The following GARS1 variants were observed in gnomAD, a reference collection of about 807,000 sequenced individuals.
The protein encoded by GARS1 is glycyl-tRNA synthetase 1.
In GARS1, 46 loss-of-function variants were observed where a neutral mutation model predicts 86.4. That is an observed-to-expected ratio of 0.53 (90% CI 0.42 to 0.68). The LOEUF is 0.68. Ranked by LOEUF, GARS1 falls within the 30% of genes least tolerant of loss-of-function variation. The pLI, the probability that GARS1 is intolerant of heterozygous loss-of-function variation, is 0.00. For synonymous variants in GARS1, 342 were observed against 329.8 expected, an observed-to-expected ratio of 1.04 and a Z score of -0.40; for missense variants, 797 against 915.6, an observed-to-expected ratio of 0.87 and a Z score of 1.67.
In GARS1 at chr7:30,603,573, G is replaced by T; in HGVS notation, c.735+1G>T. 6.2e-7 allele frequency: 1 copy of T among 1,610,182 alleles called. No homozygotes were observed. Among genetic ancestry groups the T allele is most frequent in the Non-Finnish European group, 8.5e-7 (1 of 1,176,844 alleles). Reference sequence around the variant, plus strand: ...AGAAATGGAAAGTGTTTTGGCCCAGGTGAGTACTCTAGAGATGTTATCAGA... The same window carrying T: ...AGAAATGGAAAGTGTTTTGGCCCAGTTGAGTACTCTAGAGATGTTATCAGA... On this transcript the variant is annotated splice_donor_variant, in intron 6 of 16. Transcript: ENST00000389266. LOFTEE classifies it high-confidence loss of function.
At chr7:30,621,010 G>T (rs1448762862) in intron 10 of GARS1, among the ~76,000 whole-genome samples, 1 of 151,668 alleles carries the variant, frequency 6.6e-6, no homozygotes, top group Admixed American at 6.6e-5. Context: ...ATCCAGAAAG[G>T]AAGACTACTT....
At chr7:30,600,485 A>G (rs561507109) in intron 3 of GARS1, among the ~76,000 whole-genome samples, 3 of 152,338 alleles carry the variant, frequency 2.0e-5, no homozygotes, top group African/African-American at 7.2e-5. Flanking sequence ...GGATGTAGAT[A>G]AATCACTGTG....
At chr7:30,622,688 C>T in intron 12 of GARS1, 1 of 515,562 alleles carries the variant, frequency 1.9e-6, no homozygotes, top group Admixed American at 3.2e-5. Flanking sequence ...AACAAAGAGA[C>T]TTGTCCAGCC....
chr7:30,600,566 A>G (rs1050182081), intron 3 of GARS1, among the ~76,000 whole-genome samples: 44 of 152,246 alleles, frequency 2.9e-4, no homozygotes, highest in Admixed American at 2.2e-3. Flanking sequence ...TTCATAGTCA[A>G]CGGATTATTA....
intron 11 of GARS1, 97 bp from the exon 12 acceptor site, chr7:30,622,220 C>A: frequency 7.0e-7 from 1 of 1,423,340 alleles, no homozygotes; most frequent in Non-Finnish European, 9.9e-7. Flanking sequence ...TGATAGAGAG[C>A]TGGCATGGTT....
chr7:30,607,056 T>C (rs1399867408), intron 6 of GARS1, among the ~76,000 whole-genome samples: 1 of 152,208 alleles, frequency 6.6e-6, no homozygotes, highest in Non-Finnish European at 1.5e-5. Flanking sequence ...AATATGAATG[T>C]TGAAAACAGT....
chr7:30,631,401 A>G, intron 14 of GARS1, 47 bp from the exon 15 acceptor site: 1 of 1,427,612 alleles, frequency 7.0e-7, no homozygotes, highest in Non-Finnish European at 9.9e-7. Flanking sequence ...GCATTTAGAT[A>G]TTTACAAATT....
chr7:30,595,710 G>T (rs962146211), intron 1 of GARS1: 7 of 469,024 alleles, frequency 1.5e-5, no homozygotes, highest in Non-Finnish European at 2.7e-5. Flanking sequence ...TTAGCGGAAT[G>T]ATTGGCTGAG....
intron 9 of GARS1, 54 bp from the exon 10 acceptor site, chr7:30,617,060 G>C (rs1782902841): frequency 6.3e-7 from 1 of 1,576,724 alleles, no homozygotes; most frequent in Non-Finnish European, 8.7e-7. Flanking sequence ...GCTTTGAAGA[G>C]TATTAATGTG....
rs1278294610 is a variant in GARS1 at position 30,616,045 on chromosome 7, A to T, written c.1181A>T (p.Asp394Val). The T allele has an allele frequency of 6.2e-7, 1 of 1,614,006 alleles. No individual in the cohort carries two copies. Among genetic ancestry groups the T allele is most frequent in the East Asian group, 2.2e-5 (1 of 44,896 alleles). ...TCCGCTCGGAAAATGCGCCTGGGAG[A>T]TGCTGTTGAACAGGTAGGATTCTGG... is the stretch of plus-strand genomic sequence containing the variant. The part of the protein sequence containing the change: ...GQSARKMRLG[D>V]AVEQGVINNT... Residue 394 changes from aspartate to valine, a missense_variant, in exon 9 of 17, where the codon GAT becomes GTT. Asp to Val is a radical substitution (Grantham distance 152). Coordinates refer to ENST00000389266, the MANE Select transcript of GARS1 (RefSeq NM_002047.4).
intron 11 of GARS1, 121 bp from the exon 12 acceptor site, chr7:30,622,196 A>C: frequency 8.6e-7 from 1 of 1,161,782 alleles, no homozygotes. Flanking sequence ...CAGCATAAAC[A>C]GGATCTGGAG....
chr7:30,631,184 T>C (rs2128136159), intron 14 of GARS1: 1 of 384,816 alleles, frequency 2.6e-6, no homozygotes, highest in African/African-American at 2.1e-5. Flanking sequence ...GAGCAGGTGG[T>C]AGAGACCTGC....
intron 1 of GARS1, among the ~76,000 whole-genome samples, chr7:30,596,270 G>A (rs1232320034): frequency 6.6e-6 from 1 of 152,194 alleles, no homozygotes; most frequent in Non-Finnish European, 1.5e-5. Flanking sequence ...GTTTGAGCCT[G>A]ACCGATTTTA....
chr7:30,617,358 TTA>T (rs1307758026), intron 10 of GARS1, 80 bp downstream of exon 10: 2 of 1,478,398 alleles, frequency 1.4e-6, no homozygotes, highest in Admixed American at 3.7e-5. Context: ...TTTGTGCACT[TTA>T]TGTCACAGAG....
intron 16 of GARS1, among the ~76,000 whole-genome samples, chr7:30,633,295 A>C (rs577940121): frequency 6.6e-6 from 1 of 152,314 alleles, no homozygotes; most frequent in East Asian, 1.9e-4. Context: ...CAGAGGGGGC[A>C]GGCAGAACTT....
At chr7:30,612,664 A>G (rs1406835207) in intron 8 of GARS1, among the ~76,000 whole-genome samples, 1 of 152,170 alleles carries the variant, frequency 6.6e-6, no homozygotes, top group African/African-American at 2.4e-5. Flanking sequence ...TAGGGCAGAC[A>G]ACATTGCTGA....
chr7:30,605,514 A>G (rs984134838), intron 6 of GARS1, among the ~76,000 whole-genome samples: 1 of 151,894 alleles, frequency 6.6e-6, no homozygotes, highest in Non-Finnish European at 1.5e-5. Flanking sequence ...CTTTCCCCTA[A>G]TTCTTTGTGT....
chr7:30,630,883 AGTGTAG>A (rs1183422218), intron 14 of GARS1, among the ~76,000 whole-genome samples: 2 of 152,094 alleles, frequency 1.3e-5, no homozygotes, highest in Non-Finnish European at 2.9e-5. Flanking sequence ...TGTACTTTTT[AGTGTAG>A]GTATATGGAA....
chr7:30,594,913 C>T lies in GARS1; in HGVS notation c.-9C>T, dbSNP rs568199609. 1.9e-5 allele frequency: 29 copies of T among 1,562,816 alleles called. No individual in the cohort carries two copies. In the African/African-American group the frequency reaches 3.9e-4, roughly 21 times the overall value. On this transcript the variant is annotated 5_prime_UTR_variant, in exon 1 of 17. Coordinates refer to ENST00000389266, the MANE Select transcript of GARS1 (RefSeq NM_002047.4). ...CCACCCTCTCTGGACAGCCCAGGGC[C>T]GCAGGCTCATGCCCTCTCCGCGTCC...
Sources: gnomAD v4.1 joint callset for allele counts (sites outside exome capture counted in the v4.1 genomes callset) on GRCh38, gnomAD v4.1.1 for gene constraint, MANE v1.5 for transcripts, NCBI Gene and HGNC (gene_info 2026-07-23, HGNC 2026-07-21) for gene names.